The following RIPOR2 variants were observed in gnomAD, a reference collection of about 807,000 sequenced individuals.
RIPOR2 encodes RHO family interacting cell polarization regulator 2.
Under a neutral mutation model 114.5 loss-of-function variants are expected in RIPOR2, and 39 were observed. The observed-to-expected ratio is 0.34, with a 90% CI of 0.26 to 0.44. RIPOR2 has a LOEUF of 0.44. Among genes scored for constraint, RIPOR2 ranks in the 20% least tolerant of loss-of-function variants. The pLI, the probability that RIPOR2 is intolerant of heterozygous loss-of-function variation, is 1.00. For synonymous variants in RIPOR2, 445 were observed against 484.4 expected, an observed-to-expected ratio of 0.92 and a Z score of 1.07; for missense variants, 1,007 against 1,255.1, an observed-to-expected ratio of 0.80 and a Z score of 2.99.
intron 1 of RIPOR2, among the ~76,000 whole-genome samples, chr6:25,008,234 T>C (rs1775636867): frequency 6.6e-6 from 1 of 151,934 alleles, no homozygotes; most frequent in Non-Finnish European, 1.5e-5. Flanking sequence ...GTCAAGCTGA[T>C]CTCGAACTCC....
intron 1 of RIPOR2, chr6:24,976,967 G>A (rs540028952): frequency 3.2e-6 from 5 of 1,547,820 alleles, no homozygotes; most frequent in East Asian, 4.5e-5. Context: ...TGCTGACTGT[G>A]GACAACTCGA....
chr6:25,008,347 C>G (rs996322870), intron 1 of RIPOR2, among the ~76,000 whole-genome samples: 1 of 152,158 alleles, frequency 6.6e-6, no homozygotes, highest in Non-Finnish European at 1.5e-5. Context: ...GGAGATGGCC[C>G]TGGATCATGC....
chr6:25,022,558 TTTTTTTTTTTA>T (rs1776382014), intron 1 of RIPOR2, among the ~76,000 whole-genome samples: 1 of 120,152 alleles, frequency 8.3e-6, no homozygotes, highest in African/African-American at 3.6e-5. Context: ...TTTTTTTTTT[TTTTTTTTTTTA>T]GACAGGTTCT....
upstream of RIPOR2, chr6:25,042,155 G>A: frequency 2.2e-6 from 1 of 454,782 alleles, no homozygotes; most frequent in Non-Finnish European, 3.9e-6. Flanking sequence ...TGGCCCGAAG[G>A]CAGCTGCTGT....
At chr6:24,978,408 A>T (rs1168667805) in intron 1 of RIPOR2, among the ~76,000 whole-genome samples, 1 of 152,170 alleles carries the variant, frequency 6.6e-6, no homozygotes. Flanking sequence ...ATATAAATAT[A>T]TATCACTTTA....
intron 17 of RIPOR2, among the ~76,000 whole-genome samples, chr6:24,830,106 C>T (rs1760539701): frequency 6.6e-6 from 1 of 152,102 alleles, no homozygotes; most frequent in African/African-American, 2.4e-5. Flanking sequence ...GCTGGGATTA[C>T]AGGTGTGGGC....
chr6:24,807,522 T>C (rs1780850022), intron 21 of RIPOR2, among the ~76,000 whole-genome samples: 1 of 152,176 alleles, frequency 6.6e-6, no homozygotes, highest in African/African-American at 2.4e-5. Context: ...ATGTATTAAG[T>C]GCATTTTTGA....
chr6:24,839,661 T>C lies in RIPOR2; in HGVS notation c.1858-389A>G, dbSNP rs538027255. ...ACAAAAAAAACAAAAAACAAAACCA[T>C]GTCAACCACAAAGCCTTGGGAAACA... On this transcript the variant is annotated intron_variant, in intron 13 of 21. Transcript: ENST00000643898. 6 of 1,534,304 alleles carry C rather than the reference T, an allele frequency of 3.9e-6. No homozygotes were observed. In the East Asian group the frequency reaches 1.5e-4, roughly 38 times the overall value.
Position 24,843,158 on chromosome 6 carries a change from G to A in RIPOR2, c.1561C>T (p.Leu521=). ...TCAGAGGCCTCCTCAGACTCTTGCA[G>A]AAGTGCTTCTGCAACATCATTCTCA... ...FLENDVAEAL[L]QESEEASELK... The change falls in exon 13 of 22, where the codon CTG becomes TTG. Residue 521 remains leucine (L), a synonymous_variant. Transcript: ENST00000643898. 6.2e-7 allele frequency: 1 copy of A among 1,614,020 alleles called. No individual in the cohort carries two copies. Among genetic ancestry groups the A allele is most frequent in the African/African-American group, 1.3e-5 (1 of 75,054 alleles).
intron 11 of RIPOR2, among the ~76,000 whole-genome samples, chr6:24,848,604 A>T (rs1276363157): frequency 6.6e-6 from 1 of 152,210 alleles, no homozygotes; most frequent in Non-Finnish European, 1.5e-5. Context: ...ATTTCAGTTG[A>T]CACAGAGCCT....
intron 1 of RIPOR2, among the ~76,000 whole-genome samples, chr6:24,979,740 G>A (rs1774217327): frequency 6.6e-6 from 1 of 152,142 alleles, no homozygotes; most frequent in Non-Finnish European, 1.5e-5. Flanking sequence ...TTGAGTTATT[G>A]GAAGCAAGTT....
intron 1 of RIPOR2, chr6:25,041,708 TGG>T: frequency 1.7e-6 from 1 of 591,444 alleles, no homozygotes; most frequent in South Asian, 2.0e-5. Flanking sequence ...CAAAGTCCAT[TGG>T]AAAACGGAGC....
chr6:24,880,325 G>C (rs1766224727), intron 1 of RIPOR2, among the ~76,000 whole-genome samples: 1 of 152,114 alleles, frequency 6.6e-6, no homozygotes, highest in Admixed American at 6.6e-5. Context: ...ATGGCCACAT[G>C]GAAAGATCCC....
intron 1 of RIPOR2, among the ~76,000 whole-genome samples, chr6:24,877,615 T>C (rs1765928980): frequency 6.6e-6 from 1 of 152,192 alleles, no homozygotes; most frequent in African/African-American, 2.4e-5. Context: ...AACTCCTAAT[T>C]CTGTTATAAA....
At chr6:24,902,489 T>C (rs1768570898) in intron 1 of RIPOR2, among the ~76,000 whole-genome samples, 1 of 152,134 alleles carries the variant, frequency 6.6e-6, no homozygotes, top group African/African-American at 2.4e-5. Context: ...AGTGTAGGGA[T>C]TACACGCGCA....
intron 1 of RIPOR2, among the ~76,000 whole-genome samples, chr6:25,000,516 T>A (rs1276708372): frequency 6.6e-6 from 1 of 152,214 alleles, no homozygotes; most frequent in African/African-American, 2.4e-5. Flanking sequence ...GGGTTTTATA[T>A]CTGTATTTTA....
At chr6:24,942,831 AG>A (rs1772208954) in intron 1 of RIPOR2, among the ~76,000 whole-genome samples, 1 of 152,156 alleles carries the variant, frequency 6.6e-6, no homozygotes, top group Non-Finnish European at 1.5e-5. Flanking sequence ...TCAGATGAGT[AG>A]GTTGCAAACA....
At chr6:24,966,892 G>A (rs1481603107) in intron 1 of RIPOR2, among the ~76,000 whole-genome samples, 1 of 152,188 alleles carries the variant, frequency 6.6e-6, no homozygotes, top group East Asian at 1.9e-4. Flanking sequence ...TATATGATAA[G>A]AACTCCATAG....
chr6:24,966,481 G>A (rs552330305), intron 1 of RIPOR2, among the ~76,000 whole-genome samples: 7 of 152,322 alleles, frequency 4.6e-5, no homozygotes, highest in African/African-American at 1.7e-4. Context: ...TCAGACAGCT[G>A]GGATGCCACG....
Sources: allele counts gnomAD v4.1 joint callset (sites outside exome capture counted in the v4.1 genomes callset), GRCh38; gene constraint gnomAD v4.1.1; transcripts MANE v1.5; gene names NCBI Gene and HGNC (gene_info 2026-07-23, HGNC 2026-07-21).